GAN: variants seen among roughly 807,000 people sequenced by gnomAD.
GAN encodes the protein gigaxonin.
In GAN, 48 loss-of-function variants were observed where a neutral mutation model predicts 71.3. That is an observed-to-expected ratio of 0.67 (90% CI 0.53 to 0.86). The LOEUF is 0.86. GAN is among the 40% of genes least tolerant of loss of function. The pLI is 0.00. For missense variants in GAN, 928 were observed against 770.1 expected, an observed-to-expected ratio of 1.21 and a Z score of -2.43; for synonymous variants, 386 against 276.8, an observed-to-expected ratio of 1.39 and a Z score of -3.92.
chr16:81,372,681 A>C (rs748480887), intron 9 of GAN, among the ~76,000 whole-genome samples: 1 of 152,244 alleles, frequency 6.6e-6, no homozygotes, highest in South Asian at 2.1e-4. Context: ...AGGTTAATAC[A>C]GTCATTCCGG....
chr16:81,353,892 G>C (rs1377209114), intron 2 of GAN, among the ~76,000 whole-genome samples: 1 of 152,144 alleles, frequency 6.6e-6, no homozygotes, highest in Non-Finnish European at 1.5e-5. Flanking sequence ...ACAGTGTTTT[G>C]GGATGCGGAA....
At chr16:81,346,614 A>G (rs1296687277) in intron 1 of GAN, among the ~76,000 whole-genome samples, 5 of 152,222 alleles carry the variant, frequency 3.3e-5, no homozygotes, top group African/African-American at 1.2e-4. Context: ...CCCTGAAACC[A>G]TCCCCACAAC....
At chr16:81,319,900 G>A (rs12918775) in intron 1 of GAN, among the ~76,000 whole-genome samples, 86,581 of 152,100 alleles carry the variant, frequency 0.57, 27,187 homozygotes, top group Middle Eastern at 0.74. Flanking sequence ...TGCTATTTTT[G>A]TTTTGCCTCA....
At position 81,378,554 on chromosome 16, in the gene GAN, A is replaced by T. The variant is rs977478054; in HGVS notation, c.*958A>T. ...ATACATAGGGATCAGAAACTTTTTC[A>T]TATAACCTGTCTGAAAGCACACAAA... On this transcript the variant is annotated 3_prime_UTR_variant, in exon 11 of 11. Transcript: ENST00000648994. 6 of 152,498 alleles carry T rather than the reference A, an allele frequency of 3.9e-5. No individual in the cohort carries two copies. The highest frequency in any genetic ancestry group is 1.4e-4 in the African/African-American group (6 of 41,470). 9.4% of individuals were successfully genotyped at this position (152,498 alleles called of 1,614,324 possible).
chr16:81,381,878 A>C lies in GAN; in HGVS notation c.*4282A>C, dbSNP rs1419725828. 2.0e-5 allele frequency: 3 copies of C among 152,188 alleles called. No individual in the cohort carries two copies. Among genetic ancestry groups the C allele is most frequent in the Admixed American group, 6.5e-5 (1 of 15,280 alleles). The allele number at this position is 152,188 out of a possible 1,614,324, so 9.4% of individuals were successfully genotyped here. A position where few individuals can be genotyped will look rare whatever the true frequency, so the allele number is the denominator to read the frequency against. ...TGGGCTGGCCTCCTATACGGAGCTG[A>C]AACTAGCATGGGCCGGCCTCCTATA... On this transcript the variant is annotated 3_prime_UTR_variant, in exon 11 of 11. Coordinates refer to ENST00000648994, the MANE Select transcript of GAN (RefSeq NM_022041.4).
chr16:81,365,445 G>C lies in GAN; in HGVS notation c.1469G>C (p.Cys490Ser). Residue 490 changes from cysteine (C) to serine (S), a missense_variant, in exon 9 of 11, where the codon TGC becomes TCC. Transcript: ENST00000648994. ...EDAQGSEMVT[C>S]KSEFYHDEFK... ...GCCCAGGGTAGCGAGATGGTAACTT[G>C]CAAGTCCGAGTTCTACCATGATGAG... 1 of 1,613,720 alleles carries C rather than the reference G, an allele frequency of 6.2e-7. No individual in the cohort carries two copies. Among genetic ancestry groups the C allele is most frequent in the Non-Finnish European group, 8.5e-7 (1 of 1,179,922 alleles).
chr16:81,363,713 A>G (rs995390951), intron 6 of GAN, 81 bp from the exon 7 acceptor site: 1 of 1,413,520 alleles, frequency 7.1e-7, no homozygotes, highest in East Asian at 2.3e-5. Context: ...ATGTTTCTCT[A>G]ATTTTTATTA....
chr16:81,344,091 C>T (rs1034296919), intron 1 of GAN, among the ~76,000 whole-genome samples: 18 of 152,120 alleles, frequency 1.2e-4, no homozygotes, highest in Admixed American at 2.0e-4. Flanking sequence ...AACTACAAAC[C>T]ACTGCTCAAG....
intron 1 of GAN, among the ~76,000 whole-genome samples, chr16:81,324,267 C>T (rs1909308620): frequency 6.6e-6 from 1 of 152,204 alleles, no homozygotes. Context: ...TGCCAGCATC[C>T]ATGGGGGCTA....
At chr16:81,320,136 C>T (rs746599438) in intron 1 of GAN, among the ~76,000 whole-genome samples, 1 of 152,138 alleles carries the variant, frequency 6.6e-6, no homozygotes, top group African/African-American at 2.4e-5. Context: ...ATTGATGAGC[C>T]TGTTTTGCCA....
intron 9 of GAN, among the ~76,000 whole-genome samples, chr16:81,368,570 A>G (rs540009479): frequency 1.5e-4 from 23 of 152,328 alleles, no homozygotes; most frequent in African/African-American, 5.3e-4. Flanking sequence ...TGATCGTGCC[A>G]CTACACTCCA....
At position 81,315,140 on chromosome 16, in the gene GAN, C is replaced by A; in HGVS notation, c.27C>A (p.Asp9Glu). 6.5e-7 allele frequency: 1 copy of A among 1,534,560 alleles called. No individual in the cohort carries two copies. Among genetic ancestry groups the A allele is most frequent in the Non-Finnish European group, 8.8e-7 (1 of 1,142,108 alleles). MAEGSAVS[D>E]PQHAARLLRA... ...TGGCTGAGGGCAGTGCCGTGTCTGACCCTCAGCACGCCGCGCGTCTGCTGC... is the reference window on the plus strand; with the variant it reads ...TGGCTGAGGGCAGTGCCGTGTCTGAACCTCAGCACGCCGCGCGTCTGCTGC... Residue 9 changes from aspartate (D) to glutamate (E), a missense_variant, in exon 1 of 11, where the codon GAC becomes GAA. Coordinates refer to ENST00000648994, the MANE Select transcript of GAN (RefSeq NM_022041.4).
At chr16:81,357,525 G>C (rs1478366812) in intron 4 of GAN, among the ~76,000 whole-genome samples, 1 of 152,106 alleles carries the variant, frequency 6.6e-6, no homozygotes, top group Non-Finnish European at 1.5e-5. Context: ...ATTTGGGTTG[G>C]TTCCAAGTCT....
intron 1 of GAN, among the ~76,000 whole-genome samples, chr16:81,346,410 C>G (rs117008095): frequency 7.7e-6 from 1 of 129,446 alleles, no homozygotes; most frequent in Admixed American, 7.7e-5. Flanking sequence ...GGCCTTAGGA[C>G]TGGGCCACAC....
At chr16:81,330,555 A>G (rs906770863) in intron 1 of GAN, among the ~76,000 whole-genome samples, 1 of 152,266 alleles carries the variant, frequency 6.6e-6, no homozygotes, top group Non-Finnish European at 1.5e-5. Context: ...TAATAAATGG[A>G]GGAGAGGAGA....
chr16:81,319,817 C>T (rs1216238818), intron 1 of GAN, among the ~76,000 whole-genome samples: 2 of 152,032 alleles, frequency 1.3e-5, no homozygotes, highest in Non-Finnish European at 2.9e-5. Flanking sequence ...GCTCTAGCTT[C>T]CTTATCTGTG....
chr16:81,315,914 C>T (rs539672302), intron 1 of GAN, among the ~76,000 whole-genome samples: 2 of 152,266 alleles, frequency 1.3e-5, no homozygotes, highest in Non-Finnish European at 2.9e-5. Flanking sequence ...CCAAACGTGT[C>T]TTTTCCGCTC....
At chr16:81,336,917 A>C (rs999025315) in intron 1 of GAN, among the ~76,000 whole-genome samples, 2 of 151,788 alleles carry the variant, frequency 1.3e-5, no homozygotes, top group Non-Finnish European at 2.9e-5. Flanking sequence ...ATTTGTTACA[A>C]TTCCTGAACC....
At chr16:81,342,243 G>A (rs148845145) in intron 1 of GAN, among the ~76,000 whole-genome samples, 17 of 152,128 alleles carry the variant, frequency 1.1e-4, no homozygotes, top group African/African-American at 3.9e-4. Context: ...AAATTAATAA[G>A]GGTATGCAGA....
Sources: allele counts gnomAD v4.1 joint callset (sites outside exome capture counted in the v4.1 genomes callset), GRCh38; gene constraint gnomAD v4.1.1; transcripts MANE v1.5; gene names NCBI Gene and HGNC (gene_info 2026-07-23, HGNC 2026-07-21).